Variants in CAMTA1 observed in about 807,000 individuals in gnomAD.
CAMTA1 encodes the protein calmodulin-binding transcription activator 1.
A neutral mutation model predicts 170.9 loss-of-function variants in CAMTA1; 27 were observed. The observed-to-expected ratio is 0.16, with a 90% CI of 0.12 to 0.22. The LOEUF (loss-of-function observed/expected upper bound fraction) is 0.22. Among genes scored for constraint, CAMTA1 ranks in the 10% least tolerant of loss-of-function variants. The probability of loss-of-function intolerance (pLI) is 1.00; values close to 1 mark genes in which losing one functional copy is unlikely to be tolerated. For missense variants in CAMTA1, 1,619 were observed against 2,217.2 expected (o/e 0.73, Z 5.42); for synonymous variants, 833 against 891.5 (o/e 0.93, Z 1.17).
At chr1:7,655,726 C>T (rs991175898) in intron 7 of CAMTA1, among the ~76,000 whole-genome samples, 1 of 152,034 alleles carries the variant, frequency 6.6e-6, no homozygotes, top group Non-Finnish European at 1.5e-5. Context: ...TACACATACA[C>T]CGATACACCC....
intron 3 of CAMTA1, among the ~76,000 whole-genome samples, chr1:6,932,395 A>G (rs556159461): frequency 3.9e-5 from 6 of 152,330 alleles, no homozygotes; most frequent in Admixed American, 6.5e-5. Flanking sequence ...TTGTATGGAT[A>G]TGAGACAATT....
intron 5 of CAMTA1, chr1:7,369,260 C>G: frequency 6.6e-6 from 1 of 152,206 alleles, no homozygotes; most frequent in East Asian, 1.9e-4. Flanking sequence ...CCGTGAAGGT[C>G]AGGAAGTTGA....
Position 7,146,379 on chromosome 1 carries a change from A to C in CAMTA1, c.302+55008A>C, listed in dbSNP as rs1022045130. ...AAGCACGTATGAAAGAAGTGAAGAG[A>C]TAAGAATGTGTAGGAAGGTTATCTT... On this transcript the variant is annotated intron_variant, in intron 4 of 22. Transcript: ENST00000303635. The surrounding 1 kb of genome is among the most constrained non-coding windows in gnomAD (Gnocchi z 4.3). 6.6e-6 allele frequency among the ~76,000 whole-genome samples: 1 copy of C among 152,192 alleles called. No homozygotes were observed. Among genetic ancestry groups the C allele is most frequent in the Non-Finnish European group, 1.5e-5 (1 of 68,024 alleles).
intron 4 of CAMTA1, among the ~76,000 whole-genome samples, chr1:7,192,356 C>T (rs1654693595): frequency 6.6e-6 from 1 of 152,210 alleles, no homozygotes. Context: ...TGGGATAGCA[C>T]CACTTGATTC....
chr1:7,411,529 CAAAAAAAAAAAAAAAAA>C (rs869078814), intron 5 of CAMTA1, among the ~76,000 whole-genome samples: 1 of 67,204 alleles, frequency 1.5e-5, no homozygotes, highest in Non-Finnish European at 2.6e-5. Context: ...GACTCTGCCT[CAAAAAAAAAAAAAAAAA>C]AAAAAAAAAA....
chr1:7,411,529 CAAAAAAAAAAAA>C (rs869078814), intron 5 of CAMTA1, among the ~76,000 whole-genome samples: 1 of 67,190 alleles, frequency 1.5e-5, no homozygotes, highest in African/African-American at 6.3e-5. Flanking sequence ...GACTCTGCCT[CAAAAAAAAAAAA>C]AAAAAAAAAA....
At chr1:7,276,993 T>A (rs1670820827) in intron 5 of CAMTA1, among the ~76,000 whole-genome samples, 1 of 152,234 alleles carries the variant, frequency 6.6e-6, no homozygotes, top group Admixed American at 6.5e-5. Flanking sequence ...TGAAATATTT[T>A]AGGATCAAAT....
intron 1 of CAMTA1, among the ~76,000 whole-genome samples, chr1:6,796,438 A>G (rs145482849): frequency 6.6e-6 from 1 of 152,302 alleles, no homozygotes; most frequent in East Asian, 1.9e-4. Context: ...GAGCTGGCCT[A>G]AAGTAGCATT....
At chr1:7,261,707 C>T (rs931764339) in intron 5 of CAMTA1, among the ~76,000 whole-genome samples, 3 of 152,188 alleles carry the variant, frequency 2.0e-5, no homozygotes, top group East Asian at 1.9e-4. Context: ...CGGCATGTGG[C>T]GCCCCAGCCA....
intron 11 of CAMTA1, among the ~76,000 whole-genome samples, chr1:7,713,466 A>G (rs770347839): frequency 3.9e-5 from 6 of 151,948 alleles, no homozygotes; most frequent in Non-Finnish European, 7.4e-5. Flanking sequence ...AAAGTTTCAC[A>G]TAAGTTTAAG....
chr1:7,015,110 G>T (rs1427346236), intron 3 of CAMTA1, among the ~76,000 whole-genome samples: 1 of 152,176 alleles, frequency 6.6e-6, no homozygotes, highest in Non-Finnish European at 1.5e-5. Context: ...TTTGCTGGAT[G>T]GACGGATGTC....
Position 6,802,751 on chromosome 1 carries a change from T to C in CAMTA1, c.45+17176T>C, listed in dbSNP as rs185601187. Among the ~76,000 whole-genome samples, 268 of 152,154 alleles carry C rather than the reference T, an allele frequency of 1.8e-3. 1 individual carries two copies. Among genetic ancestry groups the C allele is most frequent in the African/African-American group, 5.9e-3 (246 of 41,516 alleles). On this transcript the variant is annotated intron_variant, in intron 1 of 22. Coordinates refer to ENST00000303635, the MANE Select transcript of CAMTA1 (RefSeq NM_015215.4). Reference sequence around the variant, plus strand: ...GTCTCTCTCTCTCTCTTTTTTTTTTTTGAGACAAGGTCTTATTCTGTCGCC... The same window carrying C: ...GTCTCTCTCTCTCTCTTTTTTTTTTCTGAGACAAGGTCTTATTCTGTCGCC...
At chr1:7,270,561 A>G (rs1193698850) in intron 5 of CAMTA1, among the ~76,000 whole-genome samples, 4 of 152,030 alleles carry the variant, frequency 2.6e-5, no homozygotes, top group African/African-American at 9.7e-5. Context: ...CTCCCAAAGT[A>G]CTGGGATTAT....
intron 11 of CAMTA1, among the ~76,000 whole-genome samples, chr1:7,705,372 C>G (rs1207205535): frequency 1.3e-5 from 2 of 148,218 alleles, no homozygotes; most frequent in East Asian, 2.0e-4. Flanking sequence ...GAGGGGCGCG[C>G]GTGTTTGTGC....
Position 7,180,170 on chromosome 1 carries a change from C to G in CAMTA1, c.303-69321C>G, listed in dbSNP as rs111683122. On this transcript the variant is annotated intron_variant, in intron 4 of 22. Coordinates refer to ENST00000303635, the MANE Select transcript of CAMTA1 (RefSeq NM_015215.4). ...TCACCTGAGGTCAGGAGTTCGAGAT[C>G]AGCGTGGCCAACGTGGTAAAACCGT... Among the ~76,000 whole-genome samples, 638 of 152,092 alleles carry G rather than the reference C, an allele frequency of 4.2e-3. 1 individual carries two copies. Among genetic ancestry groups the G allele is most frequent in the Non-Finnish European group, 6.8e-3 (465 of 68,004 alleles).
rs1274117886 is a variant in CAMTA1, at chr1:7,195,203, T to C, written c.303-54288T>C. ...AGGGCTGGGCAGCTTGATGGACATT[T>C]GTGCCGTCCACCTTGCAGGCATATG... On this transcript the variant is annotated intron_variant, in intron 4 of 22. Transcript: ENST00000303635. This position sits in a 1 kb window ranked among gnomAD's most constrained non-coding sequence, Gnocchi z 4.1. Among the ~76,000 whole-genome samples, 1 of 152,202 alleles carries C rather than the reference T, an allele frequency of 6.6e-6. No individual in the cohort carries two copies. The highest frequency in any genetic ancestry group is 1.5e-5 in the Non-Finnish European group (1 of 68,028).
At chr1:6,890,493 A>T (rs1674266197) in intron 3 of CAMTA1, among the ~76,000 whole-genome samples, 1 of 151,866 alleles carries the variant, frequency 6.6e-6, no homozygotes, top group Non-Finnish European at 1.5e-5. Context: ...TTAGTCTTTG[A>T]TAGGCCTTTG....
intron 16 of CAMTA1, among the ~76,000 whole-genome samples, chr1:7,741,489 G>A (rs1186860990): frequency 6.6e-6 from 1 of 151,880 alleles, no homozygotes; most frequent in East Asian, 1.9e-4. Flanking sequence ...GTGAACCCAG[G>A]AGGCAGAGCT....
At chr1:7,566,226 C>G (rs2095040368) in intron 6 of CAMTA1, among the ~76,000 whole-genome samples, 1 of 152,154 alleles carries the variant, frequency 6.6e-6, no homozygotes, top group Admixed American at 6.5e-5. Flanking sequence ...CTGGGTGACC[C>G]CCAGGCACTC....
Sources: allele counts gnomAD v4.1 joint callset (sites outside exome capture counted in the v4.1 genomes callset), GRCh38; gene constraint gnomAD v4.1.1; non-coding constraint Gnocchi (gnomAD v3.1); transcripts MANE v1.5; gene names NCBI Gene and HGNC (gene_info 2026-07-23, HGNC 2026-07-21).